The following PPP6R3 variants were observed in gnomAD, a reference collection of about 807,000 sequenced individuals.
PPP6R3 encodes the protein protein phosphatase 6 regulatory subunit 3, also known as serine/threonine-protein phosphatase 6 regulatory subunit 3.
In PPP6R3, 38 loss-of-function variants were observed where a neutral mutation model predicts 110.7. The ratio of observed to expected loss-of-function variants is 0.34; its 90% confidence interval spans 0.26 to 0.45. The LOEUF (loss-of-function observed/expected upper bound fraction) is 0.45, where lower values mean the gene tolerates loss of function less well. Ranked by LOEUF, PPP6R3 falls within the 20% of genes least tolerant of loss-of-function variation. PPP6R3 has a pLI of 1.00. For synonymous variants in PPP6R3, 369 were observed against 373.5 expected, an observed-to-expected ratio of 0.99 and a Z score of 0.14; for missense variants, 870 against 1,062.4, an observed-to-expected ratio of 0.82 and a Z score of 2.52.
At position 68,542,389 on chromosome 11, in the gene PPP6R3, G is replaced by GTTTTTTTTTGTTT. The variant is rs1555132287; in HGVS notation, c.228-2440_228-2439insGTTTTTTTTTTTT. Among the ~76,000 whole-genome samples, 9 of 40,206 alleles carry GTTTTTTTTTGTTT rather than the reference G, an allele frequency of 2.2e-4. 2 individuals carry two copies. The Admixed American group carries it at 2.6e-3, about 12-fold the overall frequency. The allele number at this position is 40,206 out of a possible 152,430, so 26.4% of individuals were successfully genotyped here. A position where few individuals can be genotyped will look rare whatever the true frequency, so the allele number is the denominator to read the frequency against. On this transcript the variant is annotated intron_variant, in intron 3 of 23. Coordinates refer to ENST00000393800, the MANE Select transcript of PPP6R3 (RefSeq NM_001164161.2). ...ATCTTTGGGTGCTTGAGAAGCTGCT[G>GTTTTTTTTTGTTT]TTTTTTTTTTTTTTTTTTTTTTAAG...
intron 1 of PPP6R3, among the ~76,000 whole-genome samples, chr11:68,490,617 G>A (rs577821050): frequency 6.6e-6 from 1 of 151,522 alleles, no homozygotes; most frequent in African/African-American, 2.4e-5. Flanking sequence ...ATAGTTCTTG[G>A]ATATTTTCTG....
intron 5 of PPP6R3, among the ~76,000 whole-genome samples, chr11:68,549,985 C>T (rs1265062030): frequency 6.6e-6 from 1 of 152,072 alleles, no homozygotes; most frequent in Non-Finnish European, 1.5e-5. Flanking sequence ...CCTGGTTTCT[C>T]CTGTAGTGGT....
intron 7 of PPP6R3, among the ~76,000 whole-genome samples, chr11:68,557,463 GCTGCATGTCACA>G (rs1215688096): frequency 1.3e-5 from 2 of 152,110 alleles, no homozygotes; most frequent in Non-Finnish European, 2.9e-5. Flanking sequence ...GGACAACCCA[GCTGCATGTCACA>G]CTGTAAGGGA....
intron 12 of PPP6R3, among the ~76,000 whole-genome samples, chr11:68,573,137 T>TAC (rs71043440): frequency 9.2e-6 from 1 of 108,568 alleles, no homozygotes; most frequent in African/African-American, 3.9e-5. Context: ...TATATATATA[T>TAC]ATATATATAT....
At chr11:68,563,587 C>G (rs565217845) in intron 8 of PPP6R3, among the ~76,000 whole-genome samples, 1 of 152,348 alleles carries the variant, frequency 6.6e-6, no homozygotes, top group African/African-American at 2.4e-5. Context: ...ATTCAGCCCA[C>G]TACTTAGCTA....
At position 68,539,387 on chromosome 11, in the gene PPP6R3, A is replaced by G. The variant is rs977725603; in HGVS notation, c.227+1496A>G. ...CTTACTTTCCACAAAAGTACTGCGC[A>G]CCCCCCGCCGTTATAACAGTGTGGC... On this transcript the variant is annotated intron_variant, in intron 3 of 23. Coordinates refer to ENST00000393800, the MANE Select transcript of PPP6R3 (RefSeq NM_001164161.2). 2.0e-5 allele frequency among the ~76,000 whole-genome samples: 3 copies of G among 151,368 alleles called. No individual in the cohort carries two copies. The East Asian group carries it at 5.8e-4, about 29-fold the overall frequency.
chr11:68,476,006 T>A (rs1477121296), intron 1 of PPP6R3, among the ~76,000 whole-genome samples: 1 of 145,928 alleles, frequency 6.9e-6, no homozygotes, highest in Non-Finnish European at 1.5e-5. Flanking sequence ...GGGGCTCTTC[T>A]CATCCCAGAC....
At chr11:68,515,279 G>A (rs113329467) in intron 1 of PPP6R3, 3,595 of 152,012 alleles carry the variant, frequency 0.024, no homozygotes, top group African/African-American at 0.085. Context: ...TGAGGCAAAA[G>A]GACACATACT....
chr11:68,504,807 C>A (rs2099067218), intron 1 of PPP6R3, among the ~76,000 whole-genome samples: 2 of 152,178 alleles, frequency 1.3e-5, no homozygotes, highest in Admixed American at 1.3e-4. Flanking sequence ...CTGTATAGAA[C>A]TTTTTGCAGT....
chr11:68,503,945 C>T (rs1240286580), intron 1 of PPP6R3, among the ~76,000 whole-genome samples: 1 of 152,176 alleles, frequency 6.6e-6, no homozygotes, highest in Non-Finnish European at 1.5e-5. Context: ...TGGAAACAGG[C>T]TTTCACACAT....
intron 2 of PPP6R3, among the ~76,000 whole-genome samples, chr11:68,536,910 C>T (rs1030593455): frequency 2.0e-5 from 3 of 152,176 alleles, no homozygotes; most frequent in Non-Finnish European, 2.9e-5. Context: ...GAGATCATCC[C>T]ATCATGAATG....
Position 68,569,831 on chromosome 11 carries a change from T to A in PPP6R3, c.1212T>A (p.Phe404Leu), listed in dbSNP as rs758149235. The A allele has an allele frequency of 6.2e-7, 1 of 1,612,374 alleles. No homozygotes were observed. Among genetic ancestry groups the A allele is most frequent in the South Asian group, 1.1e-5 (1 of 90,930 alleles). The change falls in exon 11 of 24, where the codon TTT becomes TTA. Residue 404 changes from phenylalanine (F) to leucine (L), a missense_variant. Coordinates refer to ENST00000393800, the MANE Select transcript of PPP6R3 (RefSeq NM_001164161.2). ...ICIALILASP[F>L]ENTENATITD... The stretch of plus-strand genomic sequence containing the variant: ...TTGCACTGATTCTTGCAAGTCCTTT[T>A]GAAAACACAGAAAATGCCACAATTA...
At chr11:68,612,191 G>A (rs1037268825) in intron 23 of PPP6R3, among the ~76,000 whole-genome samples, 1 of 152,192 alleles carries the variant, frequency 6.6e-6, no homozygotes, top group African/African-American at 2.4e-5. Flanking sequence ...TCTAGTTCCA[G>A]AAGTCTCGAT....
intron 1 of PPP6R3, among the ~76,000 whole-genome samples, chr11:68,516,457 C>G (rs1456566053): frequency 1.3e-5 from 2 of 152,002 alleles, no homozygotes; most frequent in Non-Finnish European, 2.9e-5. Flanking sequence ...AGATTTGGGC[C>G]CTATCCCAAG....
chr11:68,537,345 A>AC (rs1389926463), intron 2 of PPP6R3, among the ~76,000 whole-genome samples: 1 of 152,170 alleles, frequency 6.6e-6, no homozygotes, highest in African/African-American at 2.4e-5. Flanking sequence ...GAAAAGGGTG[A>AC]CTTTTCTCCT....
intron 1 of PPP6R3, among the ~76,000 whole-genome samples, chr11:68,468,834 G>T (rs978323555): frequency 2.0e-5 from 3 of 152,194 alleles, no homozygotes; most frequent in Non-Finnish European, 2.9e-5. Flanking sequence ...TTTGAGGTTT[G>T]CAGTTTGCTT....
chr11:68,583,046 AC>A lies in PPP6R3; in HGVS notation c.1550del (p.Thr517LysfsTer38). On this transcript the variant is annotated frameshift_variant, in exon 15 of 24. Coordinates refer to ENST00000393800, the MANE Select transcript of PPP6R3 (RefSeq NM_001164161.2). LOFTEE classifies it high-confidence loss of function. The part of the protein sequence containing the change: ...TNKRNTVDLV[T>X]TCHIHSSSDD... ...TTTTACATTTTTATGCATATAGGTTACAACCTGCCATATTCATTCATCCAGT... is the reference window on the plus strand; with the variant it reads ...TTTTACATTTTTATGCATATAGGTTAAACCTGCCATATTCATTCATCCAGT... The A allele has an allele frequency of 6.5e-7, 1 of 1,531,138 alleles. No homozygotes were observed. The highest frequency in any genetic ancestry group is 8.8e-7 in the Non-Finnish European group (1 of 1,133,296). The allele number at this position is 1,531,138 out of a possible 1,614,324, so 94.8% of individuals were successfully genotyped here. A position where few individuals can be genotyped will look rare whatever the true frequency, so the allele number is the denominator to read the frequency against.
chr11:68,540,922 A>C (rs1179927849), intron 3 of PPP6R3, among the ~76,000 whole-genome samples: 1 of 152,210 alleles, frequency 6.6e-6, no homozygotes, highest in Admixed American at 6.5e-5. Context: ...CATATTGCTC[A>C]AACACACATG....
At chr11:68,531,555 A>G (rs2153622005) in intron 2 of PPP6R3, among the ~76,000 whole-genome samples, 1 of 152,138 alleles carries the variant, frequency 6.6e-6, no homozygotes, top group African/African-American at 2.4e-5. Flanking sequence ...GCCTTCCAAA[A>G]TGCTGGGATT....
Sources: gnomAD v4.1 joint callset for allele counts (sites outside exome capture counted in the v4.1 genomes callset) on GRCh38, gnomAD v4.1.1 for gene constraint, MANE v1.5 for transcripts, NCBI Gene and HGNC (gene_info 2026-07-23, HGNC 2026-07-21) for gene names.